PYHIN1: variants seen among roughly 807,000 people sequenced by gnomAD.
PYHIN1 encodes the protein pyrin and HIN domain family member 1, also known as pyrin and HIN domain-containing protein 1.
A neutral mutation model predicts 43.7 loss-of-function variants in PYHIN1; 32 were observed. The observed-to-expected ratio is 0.73, with a 90% CI of 0.55 to 0.98. The LOEUF (loss-of-function observed/expected upper bound fraction) is 0.98, where lower values mean the gene tolerates loss of function less well. PYHIN1 is among the 50% of genes least tolerant of loss of function. The probability of loss-of-function intolerance (pLI) is 0.00; values close to 1 mark genes in which losing one functional copy is unlikely to be tolerated. For synonymous variants in PYHIN1, 205 were observed against 203.1 expected (o/e 1.01, Z -0.08); for missense variants, 588 against 589.5 (o/e 1.00, Z 0.03).
chr1:158,976,656 T>A, intron 8 of PYHIN1, 45 bp from the exon 9 acceptor site: 1 of 1,489,536 alleles, frequency 6.7e-7, no homozygotes, highest in Non-Finnish European at 9.2e-7. Flanking sequence ...AATGTATGAC[T>A]CCCTGCATCT....
intron 7 of PYHIN1, among the ~76,000 whole-genome samples, chr1:158,954,855 C>G (rs1168538639): frequency 1.3e-5 from 2 of 149,948 alleles, no homozygotes; most frequent in East Asian, 3.9e-4. Flanking sequence ...TTCAGGAAAC[C>G]CATCTCACAT....
intron 2 of PYHIN1, 31 bp downstream of exon 2, chr1:158,937,206 G>T: frequency 1.3e-6 from 2 of 1,537,124 alleles, no homozygotes; most frequent in Non-Finnish European, 1.7e-6. Context: ...CCCACTCCCT[G>T]CAATGATCCC....
intron 7 of PYHIN1, among the ~76,000 whole-genome samples, chr1:158,949,817 A>G (rs1247058958): frequency 6.6e-6 from 1 of 152,178 alleles, no homozygotes; most frequent in Non-Finnish European, 1.5e-5. Context: ...AGTCTTTGCT[A>G]TTGTGAGCAC....
intron 7 of PYHIN1, among the ~76,000 whole-genome samples, chr1:158,970,358 G>C (rs757795382): frequency 7.9e-5 from 12 of 151,936 alleles, no homozygotes; most frequent in Non-Finnish European, 1.3e-4. Flanking sequence ...CAGTGGTGAA[G>C]TTGGGACTTT....
chr1:158,936,634 C>A (rs1282904001), intron 1 of PYHIN1, among the ~76,000 whole-genome samples: 1 of 152,058 alleles, frequency 6.6e-6, no homozygotes, highest in East Asian at 1.9e-4. Flanking sequence ...AGGCCTTTGA[C>A]AAAATTCAAC....
chr1:158,942,362 C>T lies in PYHIN1; in HGVS notation c.965C>T (p.Ser322Leu), dbSNP rs901223527. 1.2e-5 allele frequency: 19 copies of T among 1,610,926 alleles called. No homozygotes were observed. The highest frequency in any genetic ancestry group is 1.6e-5 in the Non-Finnish European group (19 of 1,179,060). The change falls in exon 5 of 9, where the codon TCA (serine) becomes TTA (leucine). Residue 322 changes from serine (S) to leucine (L), a missense_variant. Coordinates refer to ENST00000368140, the MANE Select transcript of PYHIN1 (RefSeq NM_152501.5). The part of the protein sequence containing the change: ...PKINILHKQT[S>L]GYIVYGLFML... ...ATCAATATTCTTCACAAACAAACTT[C>T]AGGATATATTGTATATGGATTATTT...
At chr1:158,974,591 G>A (rs188625307) in intron 8 of PYHIN1, among the ~76,000 whole-genome samples, 3 of 152,118 alleles carry the variant, frequency 2.0e-5, no homozygotes, top group Admixed American at 2.0e-4. Context: ...AAAGAGAAAG[G>A]CAAGAGGAGA....
At chr1:158,965,370 C>T (rs555964622) in intron 7 of PYHIN1, among the ~76,000 whole-genome samples, 2 of 152,212 alleles carry the variant, frequency 1.3e-5, no homozygotes, top group Non-Finnish European at 2.9e-5. Context: ...TATTCAGGAA[C>T]TGCACTCAAT....
the PYHIN1 span, among the ~76,000 whole-genome samples, chr1:158,983,116 T>C: frequency 6.6e-6 from 1 of 151,612 alleles, no homozygotes; most frequent in Non-Finnish European, 1.5e-5. Context: ...TTTCTTTCTA[T>C]TTGGACGTCT....
chr1:158,953,641 A>G (rs1420591342), intron 7 of PYHIN1, among the ~76,000 whole-genome samples: 1 of 152,102 alleles, frequency 6.6e-6, no homozygotes, highest in Non-Finnish European at 1.5e-5. Context: ...TAAAACCACA[A>G]AGATGGGGAA....
At chr1:158,952,898 C>T (rs904543548) in intron 7 of PYHIN1, among the ~76,000 whole-genome samples, 2 of 152,190 alleles carry the variant, frequency 1.3e-5, no homozygotes, top group African/African-American at 2.4e-5. Context: ...TGGGTGCACG[C>T]ACCATGCGCG....
chr1:158,975,220 A>T (rs1431839266), intron 8 of PYHIN1, among the ~76,000 whole-genome samples: 1 of 76,250 alleles, frequency 1.3e-5, no homozygotes, highest in East Asian at 4.4e-4. Context: ...TATATCATAG[A>T]TCATCCCAAT....
the PYHIN1 span, among the ~76,000 whole-genome samples, chr1:158,988,531 C>T: frequency 6.6e-5 from 10 of 151,952 alleles, no homozygotes; most frequent in African/African-American, 9.7e-5. Flanking sequence ...ATGTTAAAGA[C>T]GGTCTGATTA....
At chr1:158,972,416 C>T (rs1650985308) in intron 7 of PYHIN1, among the ~76,000 whole-genome samples, 1 of 151,868 alleles carries the variant, frequency 6.6e-6, no homozygotes, top group African/African-American at 2.4e-5. Context: ...AGTATATAAT[C>T]AGAGATGCTA....
chr1:158,943,745 T>C lies in PYHIN1; in HGVS notation c.1003-45T>C, dbSNP rs199597715. 80 of 1,452,678 alleles carry C rather than the reference T, an allele frequency of 5.5e-5. No individual in the cohort carries two copies. The African/African-American group carries it at 9.1e-4, about 17-fold the overall frequency. The allele number at this position is 1,452,678 out of a possible 1,614,324, so 90.0% of individuals were successfully genotyped here. ...ACAAGAGACTTTCCTATATGCACGGTAGTTACTATGTTCTCACAAACATGA... is the reference window on the plus strand; with the variant it reads ...ACAAGAGACTTTCCTATATGCACGGCAGTTACTATGTTCTCACAAACATGA... On this transcript the variant is annotated intron_variant, in intron 5 of 8. Coordinates refer to ENST00000368140, the MANE Select transcript of PYHIN1 (RefSeq NM_152501.5).
chr1:158,957,863 A>G (rs1650047268), intron 7 of PYHIN1, among the ~76,000 whole-genome samples: 1 of 149,914 alleles, frequency 6.7e-6, no homozygotes, highest in East Asian at 2.0e-4. Flanking sequence ...TCATCTGACA[A>G]AGGGCTAATA....
At chr1:158,990,805 A>AT in the PYHIN1 span, among the ~76,000 whole-genome samples, 4 of 152,162 alleles carry the variant, frequency 2.6e-5, no homozygotes, top group Non-Finnish European at 5.9e-5. Flanking sequence ...CTCATCTCAA[A>AT]TTGTAATCCC....
In PYHIN1 at chr1:158,938,493, C is replaced by G. The variant is rs138593148; in HGVS notation, c.362C>G (p.Pro121Arg). 8 of 1,614,230 alleles carry G rather than the reference C, an allele frequency of 5.0e-6. No individual in the cohort carries two copies. The African/African-American group carries it at 9.3e-5, about 19-fold the overall frequency. ...EVYPATPACT[P>R]SNRLTAKGAE... The stretch of plus-strand genomic sequence containing the variant: ...TATCCTGCTACACCTGCATGCACCC[C>G]AAGCAACCGTCTCACAGCTAAAGGA... Residue 121 changes from proline to arginine, a missense_variant, in exon 3 of 9, where the codon CCA (proline) becomes CGA (arginine). Physicochemically the swap from Pro to Arg is moderately radical, Grantham distance 103 (BLOSUM62 -2). Transcript: ENST00000368140.
chr1:158,934,255 AG>A, intron 1 of PYHIN1, among the ~76,000 whole-genome samples: 1 of 152,208 alleles, frequency 6.6e-6, no homozygotes, highest in Non-Finnish European at 1.5e-5. Flanking sequence ...TTTGTGTTTA[AG>A]TGGAATAAAT....
Sources: gnomAD v4.1 joint callset for allele counts (sites outside exome capture counted in the v4.1 genomes callset) on GRCh38, gnomAD v4.1.1 for gene constraint, MANE v1.5 for transcripts, NCBI Gene and HGNC (gene_info 2026-07-23, HGNC 2026-07-21) for gene names.